DHCR24: variants seen among roughly 807,000 people sequenced by gnomAD.
DHCR24 encodes the protein delta(24)-sterol reductase.
In DHCR24, 28 loss-of-function variants were observed where a neutral mutation model predicts 61.2. The observed-to-expected ratio is 0.46, with a 90% CI of 0.34 to 0.63. DHCR24 has a LOEUF of 0.63. DHCR24 is among the 20% of genes least tolerant of loss of function. DHCR24 has a pLI of 0.01. For synonymous variants in DHCR24, 261 were observed against 275.9 expected (o/e 0.95, Z 0.54); for missense variants, 538 against 679.1 (o/e 0.79, Z 2.31).
chr1:54,861,024 T>G (rs1646935047), intron 6 of DHCR24, among the ~76,000 whole-genome samples: 1 of 151,444 alleles, frequency 6.6e-6, no homozygotes, highest in Non-Finnish European at 1.5e-5. Context: ...TTTGGTAATT[T>G]AAAACCCACA....
intron 6 of DHCR24, among the ~76,000 whole-genome samples, chr1:54,864,685 C>T (rs913841142): frequency 6.6e-6 from 1 of 152,116 alleles, no homozygotes; most frequent in Non-Finnish European, 1.5e-5. Flanking sequence ...TTCCTGTTAG[C>T]CCAGCTCAAG....
intron 1 of DHCR24, 162 bp downstream of exon 1, chr1:54,886,727 A>AC: frequency 9.1e-7 from 1 of 1,104,156 alleles, no homozygotes; most frequent in Non-Finnish European, 1.1e-6. Flanking sequence ...CGCCCCCATC[A>AC]CATTTTTGTT....
chr1:54,882,272 G>A (rs145559453), intron 2 of DHCR24, among the ~76,000 whole-genome samples: 71 of 152,258 alleles, frequency 4.7e-4, no homozygotes, highest in Middle Eastern at 6.8e-3. Flanking sequence ...AGTCACTAGG[G>A]AAATGTGAAT....
At chr1:54,857,833 G>A (rs1646915860) in intron 6 of DHCR24, among the ~76,000 whole-genome samples, 1 of 152,152 alleles carries the variant, frequency 6.6e-6, no homozygotes, top group African/African-American at 2.4e-5. Context: ...CTGACCCCGC[G>A]TGTTGCTGAT....
intron 6 of DHCR24, among the ~76,000 whole-genome samples, chr1:54,857,630 G>T (rs1280266300): frequency 6.6e-6 from 1 of 152,174 alleles, no homozygotes; most frequent in Non-Finnish European, 1.5e-5. Flanking sequence ...GGAGTTAAAT[G>T]TAACATTTAA....
intron 5 of DHCR24, among the ~76,000 whole-genome samples, chr1:54,866,880 C>T (rs1646971066): frequency 6.6e-6 from 1 of 152,264 alleles, no homozygotes; most frequent in African/African-American, 2.4e-5. Flanking sequence ...AACACTCACG[C>T]TGGCCTCTGC....
At chr1:54,869,922 G>A (rs1390457355) in intron 5 of DHCR24, among the ~76,000 whole-genome samples, 1 of 151,994 alleles carries the variant, frequency 6.6e-6, no homozygotes, top group African/African-American at 2.4e-5. Flanking sequence ...AGGCATGGTG[G>A]TGCATGCCTG....
At chr1:54,875,434 G>A (rs960982600) in intron 3 of DHCR24, among the ~76,000 whole-genome samples, 1 of 152,058 alleles carries the variant, frequency 6.6e-6, no homozygotes, top group Non-Finnish European at 1.5e-5. Flanking sequence ...AGGGAGTGGC[G>A]AGCAGACCTT....
At position 54,887,184 on chromosome 1, in the gene DHCR24, C is replaced by T. The variant is rs1223353226; in HGVS notation, c.-65G>A. 5.2e-5 allele frequency: 72 copies of T among 1,383,304 alleles called. No homozygotes were observed. The South Asian group carries it at 9.4e-4, about 18-fold the overall frequency. The allele number at this position is 1,383,304 out of a possible 1,614,324, so 85.7% of individuals were successfully genotyped here. A position where few individuals can be genotyped will look rare whatever the true frequency, so the allele number is the denominator to read the frequency against. ...CCTGTCACTGCCGCCAGCTCCGCGC[C>T]TGGCCCGCTCTGCGCCTGTAGCCCA... On this transcript the variant is annotated 5_prime_UTR_variant, in exon 1 of 9. Transcript: ENST00000371269.
At chr1:54,870,034 A>G (rs886732829) in intron 5 of DHCR24, among the ~76,000 whole-genome samples, 39 of 151,536 alleles carry the variant, frequency 2.6e-4, no homozygotes, top group African/African-American at 8.8e-4. Flanking sequence ...AGCCTGAGCG[A>G]CGGAGTGAGA....
At chr1:54,877,650 T>C (rs1405263896) in intron 2 of DHCR24, among the ~76,000 whole-genome samples, 1 of 151,436 alleles carries the variant, frequency 6.6e-6, no homozygotes, top group Admixed American at 6.6e-5. Context: ...TTTAACTGCC[T>C]GGAGTTAGGC....
At chr1:54,866,411 C>T (rs1474855966) in intron 5 of DHCR24, among the ~76,000 whole-genome samples, 1 of 151,244 alleles carries the variant, frequency 6.6e-6, no homozygotes, top group Non-Finnish European at 1.5e-5. Context: ...TTCAGTGGCA[C>T]GATCTTGGCT....
At chr1:54,854,930 C>T (rs1055539354) in intron 6 of DHCR24, among the ~76,000 whole-genome samples, 1 of 152,166 alleles carries the variant, frequency 6.6e-6, no homozygotes, top group South Asian at 2.1e-4. Flanking sequence ...TGACGATGGC[C>T]CCCTCTTCCC....
At chr1:54,875,056 G>T in intron 4 of DHCR24, 37 bp downstream of exon 4, 1 of 1,566,840 alleles carries the variant, frequency 6.4e-7, no homozygotes, top group Non-Finnish European at 8.8e-7. Flanking sequence ...AATGCCCAGA[G>T]CAGGCTGGCA....
chr1:54,883,375 C>T lies in DHCR24; in HGVS notation c.387+243G>A, dbSNP rs547371763. ...CCTTTTTGCCTCTCATTTTTGCTCA[C>T]GAATTCCCCATTCCTGACTTCCTGT... On this transcript the variant is annotated intron_variant, in intron 2 of 8. Transcript: ENST00000371269. The surrounding 1 kb of genome is among the most constrained non-coding windows in gnomAD (Gnocchi z 4.3). Among the ~76,000 whole-genome samples, 31 of 152,258 alleles carry T rather than the reference C, an allele frequency of 2.0e-4. No individual in the cohort carries two copies. The highest frequency in any genetic ancestry group is 1.3e-3 in the East Asian group (7 of 5,190).
At chr1:54,856,027 T>G (rs1365938573) in intron 6 of DHCR24, among the ~76,000 whole-genome samples, 1 of 152,038 alleles carries the variant, frequency 6.6e-6, no homozygotes, top group Non-Finnish European at 1.5e-5. Flanking sequence ...CAGAGGAGCT[T>G]TGAAAAAACA....
At chr1:54,866,173 G>A (rs1014806638) in intron 5 of DHCR24, among the ~76,000 whole-genome samples, 6 of 152,064 alleles carry the variant, frequency 3.9e-5, no homozygotes, top group African/African-American at 1.4e-4. Context: ...GGGAGAGGCA[G>A]GGGGGATCCT....
chr1:54,854,202 G>T lies in DHCR24; in HGVS notation c.1053C>A (p.Phe351Leu). ...GCACCATCCAGCCAAAGAGGTAGCG[G>T]AAGATGGGGTTGTTGCCAAAGGGGA... Reference protein sequence around the residue: ...DIIPFGNNPIFRYLFGWMVPP... With the variant: ...DIIPFGNNPILRYLFGWMVPP... Residue 351 changes from phenylalanine (F) to leucine (L), a missense_variant, in exon 7 of 9, where the codon TTC (phenylalanine) becomes TTA (leucine). Phe to Leu is a conservative substitution (Grantham distance 22). Transcript: ENST00000371269. The T allele has an allele frequency of 6.2e-7, 1 of 1,614,072 alleles. No individual in the cohort carries two copies. The highest frequency in any genetic ancestry group is 8.5e-7 in the Non-Finnish European group (1 of 1,179,978).
At chr1:54,854,341 C>T (rs1041077986) in intron 6 of DHCR24, 107 bp from the exon 7 acceptor site, 23 of 912,302 alleles carry the variant, frequency 2.5e-5, no homozygotes, top group African/African-American at 9.9e-5. Context: ...GACAGAAGCA[C>T]GCCTGAGTCC....
Sources: allele counts gnomAD v4.1 joint callset (sites outside exome capture counted in the v4.1 genomes callset), GRCh38; gene constraint gnomAD v4.1.1; non-coding constraint Gnocchi (gnomAD v3.1); transcripts MANE v1.5; gene names NCBI Gene and HGNC (gene_info 2026-07-23, HGNC 2026-07-21).